FBLN2: variants seen among roughly 807,000 people sequenced by gnomAD.
FBLN2 encodes the protein fibulin-2.
A neutral mutation model predicts 123.7 loss-of-function variants in FBLN2; 81 were observed. The ratio of observed to expected loss-of-function variants is 0.65; its 90% CI spans 0.55 to 0.79. FBLN2 has a LOEUF of 0.79. Ranked by LOEUF, FBLN2 falls within the 30% of genes least tolerant of loss-of-function variation. FBLN2 has a pLI of 0.00. For synonymous variants in FBLN2, 699 were observed against 701.4 expected (o/e 1.00, Z 0.05); for missense variants, 1,603 against 1,681.3 (o/e 0.95, Z 0.81).
At chr3:13,597,243 T>G (rs1243220847) in intron 2 of FBLN2, among the ~76,000 whole-genome samples, 1 of 152,244 alleles carries the variant, frequency 6.6e-6, no homozygotes, top group Non-Finnish European at 1.5e-5. Flanking sequence ...GGATCTATTT[T>G]TAAAAGACTC....
chr3:13,619,543 G>A (rs1457093706), intron 7 of FBLN2, among the ~76,000 whole-genome samples, 187 bp from the exon 8 acceptor site: 4 of 152,256 alleles, frequency 2.6e-5, no homozygotes, highest in African/African-American at 9.6e-5. Flanking sequence ...GACGGTGTTG[G>A]AGCAGACTTA....
chr3:13,591,568 G>A (rs1331499046), intron 2 of FBLN2, among the ~76,000 whole-genome samples: 1 of 152,190 alleles, frequency 6.6e-6, no homozygotes, highest in Admixed American at 6.5e-5. Context: ...GGTTACAGGC[G>A]TGAGCCACCA....
At chr3:13,573,029 C>A (rs1333147439) in intron 2 of FBLN2, among the ~76,000 whole-genome samples, 1 of 152,154 alleles carries the variant, frequency 6.6e-6, no homozygotes, top group Admixed American at 6.5e-5. Context: ...GGTGGATAAC[C>A]CTGTGCTGCC....
intron 2 of FBLN2, among the ~76,000 whole-genome samples, chr3:13,575,642 A>T (rs1032225473): frequency 5.3e-5 from 8 of 152,090 alleles, no homozygotes; most frequent in Admixed American, 5.2e-4. Flanking sequence ...GCTCTCTAGG[A>T]TCCCACAGCC....
chr3:13,569,200 AGGGGAGAAGAGCCCTTG>A (rs1183416229), intron 1 of FBLN2: 1 of 250,358 alleles, frequency 4.0e-6, no homozygotes, highest in African/African-American at 2.6e-5. Flanking sequence ...GCAAGATGAG[AGGGGAGAAGAGCCCTTG>A]GGGGAGTTCA....
intron 2 of FBLN2, among the ~76,000 whole-genome samples, chr3:13,596,583 C>G (rs938140685): frequency 1.3e-5 from 2 of 152,186 alleles, no homozygotes; most frequent in African/African-American, 4.8e-5. Flanking sequence ...ATGACATTTT[C>G]CATTTTTAGT....
At chr3:13,631,513 A>G (rs1706258110) in intron 16 of FBLN2, 56 bp downstream of exon 16, 4 of 1,524,852 alleles carry the variant, frequency 2.6e-6, no homozygotes, top group East Asian at 2.5e-5. Flanking sequence ...GCAGGCTCCA[A>G]GCAGGCACAG....
intron 1 of FBLN2, among the ~76,000 whole-genome samples, chr3:13,560,629 G>A (rs1703577351): frequency 6.6e-6 from 1 of 152,170 alleles, no homozygotes; most frequent in African/African-American, 2.4e-5. Context: ...ATTTGCCCGC[G>A]AGGAAATGAA....
At position 13,571,424 on chromosome 3, in the gene FBLN2, A is replaced by G; in HGVS notation, c.1069A>G (p.Thr357Ala). Residue 357 changes from threonine to alanine, a missense_variant, in exon 2 of 18, where the codon ACG becomes GCG. Coordinates refer to ENST00000404922, the MANE Select transcript of FBLN2 (RefSeq NM_001004019.2). Reference sequence around the variant, plus strand: ...CCGCAGCACTGGGCCGGAGGGCGTGACGCATGCACCGAGCCTGGGCAAGGC... The same window carrying G: ...CCGCAGCACTGGGCCGGAGGGCGTGGCGCATGCACCGAGCCTGGGCAAGGC... Reference protein sequence around the residue: ...TSRSTGPEGVTHAPSLGKAAL... With the variant: ...TSRSTGPEGVAHAPSLGKAAL... The G allele has an allele frequency of 1.2e-6, 2 of 1,613,006 alleles. No homozygotes were observed. The highest frequency in any genetic ancestry group is 1.7e-6 in the Non-Finnish European group (2 of 1,179,606).
rs6768876 is a variant in FBLN2 at position 13,602,593 on chromosome 3, T to G, written c.1307-5469T>G. ...AGTGTATGTTATACCCATTAGACAA[T>G]CAAATTTTCGTCTTCATGTGAATCA... On this transcript the variant is annotated intron_variant, in intron 2 of 17. Transcript: ENST00000404922. Among the ~76,000 whole-genome samples, 1,058 of 152,322 alleles carry G rather than the reference T, an allele frequency of 6.9e-3. 8 individuals carry two copies. Among genetic ancestry groups the G allele is most frequent in the African/African-American group, 0.024 (1,016 of 41,562 alleles).
In FBLN2 at chr3:13,638,108, C is replaced by T; in HGVS notation, c.*189C>T. Reference sequence around the variant, plus strand: ...AAGTTCCACGGCAGGTGGTGCGTTCCCACGCAGGCACCAAGTGGAAGCTTG... The same window carrying T: ...AAGTTCCACGGCAGGTGGTGCGTTCTCACGCAGGCACCAAGTGGAAGCTTG... On this transcript the variant is annotated 3_prime_UTR_variant, in exon 18 of 18. Coordinates refer to ENST00000404922, the MANE Select transcript of FBLN2 (RefSeq NM_001004019.2). 1.5e-6 allele frequency: 1 copy of T among 673,522 alleles called. No individual in the cohort carries two copies. Among genetic ancestry groups the T allele is most frequent in the South Asian group, 1.7e-5 (1 of 60,380 alleles). 41.7% of individuals were successfully genotyped at this position (673,522 alleles called of 1,614,324 possible). A position where few individuals can be genotyped will look rare whatever the true frequency, so the allele number is the denominator to read the frequency against.
rs1203248995 is a variant in FBLN2 at position 13,638,267 on chromosome 3, C to A, written c.*348C>A. The stretch of plus-strand genomic sequence containing the variant: ...CGTCCCCAAAGTTGACATTCCATTT[C>A]ATGTTCCACTGTGATTAATTCTTTT... On this transcript the variant is annotated 3_prime_UTR_variant, in exon 18 of 18. Transcript: ENST00000404922. The A allele has an allele frequency of 1.9e-6, 1 of 520,438 alleles. No homozygotes were observed. Among genetic ancestry groups the A allele is most frequent in the Non-Finnish European group, 3.5e-6 (1 of 283,036 alleles). 32.2% of individuals were successfully genotyped at this position (520,438 alleles called of 1,614,324 possible). A position where few individuals can be genotyped will look rare whatever the true frequency, so the allele number is the denominator to read the frequency against.
rs569130683 is a variant in FBLN2, at chr3:13,557,216, C to G, written c.-42+8008C>G. Among the ~76,000 whole-genome samples, 9 of 152,314 alleles carry G rather than the reference C, an allele frequency of 5.9e-5. No homozygotes were observed. The East Asian group carries it at 1.7e-3, about 29-fold the overall frequency. On this transcript the variant is annotated intron_variant, in intron 1 of 17. Coordinates refer to ENST00000404922, the MANE Select transcript of FBLN2 (RefSeq NM_001004019.2). Reference sequence around the variant, plus strand: ...TGTGGCCCCAGGCGCATGTCTGGAGCCATTCCCTGAGCCTGGGGACTGAGC... The same window carrying G: ...TGTGGCCCCAGGCGCATGTCTGGAGGCATTCCCTGAGCCTGGGGACTGAGC...
intron 4 of FBLN2, among the ~76,000 whole-genome samples, chr3:13,611,677 T>G (rs547546672): frequency 6.6e-6 from 1 of 152,362 alleles, no homozygotes; most frequent in South Asian, 2.1e-4. Context: ...ATCTGTCCAT[T>G]CATCGATGGA....
chr3:13,568,679 C>T, intron 1 of FBLN2: 1 of 761,794 alleles, frequency 1.3e-6, no homozygotes, highest in Non-Finnish European at 1.6e-6. Flanking sequence ...GAGAAGCCCT[C>T]CTCTTCCGCC....
At chr3:13,594,910 G>T (rs1049308023) in intron 2 of FBLN2, among the ~76,000 whole-genome samples, 1 of 152,154 alleles carries the variant, frequency 6.6e-6, no homozygotes, top group African/African-American at 2.4e-5. Flanking sequence ...ATGAAGATGG[G>T]GACTTGAACT....
intron 16 of FBLN2, among the ~76,000 whole-genome samples, chr3:13,635,375 TACACACAC>T (rs3836364): frequency 1.3e-5 from 2 of 149,090 alleles, no homozygotes; most frequent in African/African-American, 2.5e-5. Flanking sequence ...GCCTGTGGGT[TACACACAC>T]ACACACACAC....
At chr3:13,572,394 C>T (rs1703992818) in intron 2 of FBLN2, among the ~76,000 whole-genome samples, 1 of 152,256 alleles carries the variant, frequency 6.6e-6, no homozygotes, top group Non-Finnish European at 1.5e-5. Flanking sequence ...TACGCTGTTT[C>T]ACCAGTGAGG....
In FBLN2 at chr3:13,621,824, CTG is replaced by C; in HGVS notation, c.2210_2211del (p.Val737GlufsTer62). The C allele has an allele frequency of 6.2e-7, 1 of 1,614,028 alleles. No homozygotes were observed. The highest frequency in any genetic ancestry group is 2.2e-5 in the East Asian group (1 of 44,888). On this transcript the variant is annotated frameshift_variant, in exon 9 of 18. Coordinates refer to ENST00000404922, the MANE Select transcript of FBLN2 (RefSeq NM_001004019.2). LOFTEE classifies it high-confidence loss of function. ...GAHDCSRRQF[C>X]VNTLGSFYCV... ...CTCACGATTGTAGCCGGCGACAGTTCTGTGTGAACACCCTGGGATCCTTCTAC... is the reference window on the plus strand; with the variant it reads ...CTCACGATTGTAGCCGGCGACAGTTCTGTGAACACCCTGGGATCCTTCTAC...
Sources: allele counts gnomAD v4.1 joint callset (sites outside exome capture counted in the v4.1 genomes callset), GRCh38; gene constraint gnomAD v4.1.1; transcripts MANE v1.5; gene names NCBI Gene and HGNC (gene_info 2026-07-23, HGNC 2026-07-21).